The following ARV1 variants were observed in gnomAD, a reference collection of about 807,000 sequenced individuals.
The protein encoded by ARV1 is ARV1 fatty acid homeostasis modulator.
Under a neutral mutation model 31.1 loss-of-function variants are expected in ARV1, and 26 were observed. That is an observed-to-expected ratio of 0.84 (90% confidence interval 0.61 to 1.16). The LOEUF (loss-of-function observed/expected upper bound fraction) is 1.16. ARV1 is among the 50% of genes most tolerant of loss of function. ARV1 has a pLI of 0.00. For missense variants in ARV1, 281 were observed against 324.9 expected (o/e 0.86, Z 1.04); for synonymous variants, 117 against 123.2 (o/e 0.95, Z 0.34).
intron 5 of ARV1, among the ~76,000 whole-genome samples, chr1:230,998,291 C>T (rs950510125): frequency 2.0e-5 from 3 of 152,172 alleles, no homozygotes; most frequent in Admixed American, 1.3e-4. Flanking sequence ...GTTGAGGCTG[C>T]GCTTTGGTCT....
intron 2 of ARV1, among the ~76,000 whole-genome samples, chr1:230,989,066 A>G (rs1168611251): frequency 1.3e-5 from 2 of 152,200 alleles, no homozygotes; most frequent in Admixed American, 1.3e-4. Flanking sequence ...TATTGCATGG[A>G]ACATACTTAT....
At chr1:230,996,975 TG>T in intron 4 of ARV1, 145 bp from the exon 5 acceptor site, 1 of 919,348 alleles carries the variant, frequency 1.1e-6, no homozygotes, top group Non-Finnish European at 1.6e-6. Context: ...GATGGAAAAG[TG>T]GGAGAAGGTA....
chr1:230,996,310 T>G (rs1679365823), intron 4 of ARV1, among the ~76,000 whole-genome samples: 1 of 152,232 alleles, frequency 6.6e-6, no homozygotes, highest in Admixed American at 6.5e-5. Context: ...GTTACATGGC[T>G]GGGCAGTTAT....
intron 5 of ARV1, among the ~76,000 whole-genome samples, chr1:230,999,006 C>G (rs1290368319): frequency 6.6e-6 from 1 of 152,198 alleles, no homozygotes; most frequent in Admixed American, 6.5e-5. Flanking sequence ...GCTTTTGGCT[C>G]CTGCTGAAAC....
chr1:230,996,540 G>A (rs1460275697), intron 4 of ARV1, among the ~76,000 whole-genome samples: 1 of 152,076 alleles, frequency 6.6e-6, no homozygotes, highest in Non-Finnish European at 1.5e-5. Flanking sequence ...TCTACTTCCT[G>A]AGGTCAAGTG....
intron 3 of ARV1, among the ~76,000 whole-genome samples, chr1:230,994,505 G>A (rs1041185094): frequency 6.6e-6 from 1 of 151,204 alleles, no homozygotes; most frequent in Non-Finnish European, 1.5e-5. Context: ...CTCCCTTGAA[G>A]AATACATCAT....
chr1:230,995,833 C>G lies in ARV1; in HGVS notation c.522C>G (p.Pro174=), dbSNP rs751712180. The change falls in exon 4 of 6, where the codon CCC becomes CCG. Residue 174 remains proline, a synonymous_variant. Transcript: ENST00000310256. ...VERPMTAKKK[P]NFILLLKALL... ...GGCCCATGACGGCAAAAAAAAAGCC[C>G]AACTTCATTTTGCTGCTGAAAGCAT... The G allele has an allele frequency of 6.2e-7, 1 of 1,614,030 alleles. No homozygotes were observed. Among genetic ancestry groups the G allele is most frequent in the South Asian group, 1.1e-5 (1 of 91,078 alleles).
rs71179756 is a variant in ARV1, at chr1:230,984,359, T to TGTGTGTGCGC, written c.175-3958_175-3957insTGTGCGCGTG. Among the ~76,000 whole-genome samples the TGTGTGTGCGC allele has an allele frequency of 1.4e-3, 131 of 93,508 alleles. 1 individual carries two copies. Among genetic ancestry groups the TGTGTGTGCGC allele is most frequent in the East Asian group, 8.5e-3 (33 of 3,862 alleles). 61.3% of individuals were successfully genotyped at this position (93,508 alleles called of 152,430 possible). ...TGTTTGTTTCGTGTGTGTGTGTGTG[T>TGTGTGTGCGC]GTGCGTGTGTGTGTGTGTGTGTGTG... On this transcript the variant is annotated intron_variant, in intron 1 of 5. Coordinates refer to ENST00000310256, the MANE Select transcript of ARV1 (RefSeq NM_022786.3).
intron 4 of ARV1, 52 bp from the exon 5 acceptor site, chr1:230,997,069 G>C: frequency 6.3e-7 from 1 of 1,587,748 alleles, no homozygotes; most frequent in Non-Finnish European, 8.6e-7. Context: ...AAATTTACAT[G>C]TCAATATCGT....
At position 230,980,587 on chromosome 1, in the gene ARV1, G is replaced by T. The variant is rs550688964; in HGVS notation, c.174+1308G>T. 8.6e-5 allele frequency among the ~76,000 whole-genome samples: 13 copies of T among 151,970 alleles called. No individual in the cohort carries two copies. In the South Asian group the frequency reaches 1.9e-3, roughly 22 times the overall value. On this transcript the variant is annotated intron_variant, in intron 1 of 5. Transcript: ENST00000310256. The stretch of plus-strand genomic sequence containing the variant: ...GACCTCAAATGATCCACCCACCTCG[G>T]CCTCCCAAAGTGCTGGGGTTACAGG...
rs889243351 is a variant in ARV1, at chr1:231,000,721, T to C, written c.*588T>C. On this transcript the variant is annotated 3_prime_UTR_variant, in exon 6 of 6. Transcript: ENST00000310256. ...GGTAAATTACATCTGAATAAAGCTG[T>C]AATTAAAAACAACACCTCTCCCCTT... 2 of 152,206 alleles carry C rather than the reference T, an allele frequency of 1.3e-5. No individual in the cohort carries two copies. Among genetic ancestry groups the C allele is most frequent in the African/African-American group, 4.8e-5 (2 of 41,468 alleles). The allele number at this position is 152,206 out of a possible 1,614,324, so 9.4% of individuals were successfully genotyped here. A position where few individuals can be genotyped will look rare whatever the true frequency, so the allele number is the denominator to read the frequency against.
intron 1 of ARV1, among the ~76,000 whole-genome samples, chr1:230,984,744 TAAAAG>T (rs1486627289): frequency 2.6e-5 from 4 of 152,164 alleles, no homozygotes; most frequent in Admixed American, 1.3e-4. Flanking sequence ...ATAAACAACT[TAAAAG>T]ACAAATGGTT....
At chr1:230,982,098 A>G (rs1572333907) in intron 1 of ARV1, among the ~76,000 whole-genome samples, 1 of 152,252 alleles carries the variant, frequency 6.6e-6, no homozygotes, top group African/African-American at 2.4e-5. Flanking sequence ...AAGGACAGAC[A>G]TTCTCTCTGT....
chr1:230,990,464 T>C (rs1558244190), intron 3 of ARV1: 7 of 577,620 alleles, frequency 1.2e-5, no homozygotes, highest in Non-Finnish European at 2.1e-5. Context: ...TGTTACCACG[T>C]ATATGGTATG....
chr1:230,989,040 A>G (rs1418810704), intron 2 of ARV1, among the ~76,000 whole-genome samples: 1 of 152,236 alleles, frequency 6.6e-6, no homozygotes, highest in African/African-American at 2.4e-5. Flanking sequence ...ATTTTTTAGT[A>G]TAAGAATGTC....
At chr1:230,994,189 G>C (rs1679302725) in intron 3 of ARV1, among the ~76,000 whole-genome samples, 1 of 152,178 alleles carries the variant, frequency 6.6e-6, no homozygotes. Flanking sequence ...CTGAGGGCTG[G>C]TGTAGTTCCA....
At position 230,990,280 on chromosome 1, in the gene ARV1, C is replaced by T; in HGVS notation, c.448+17C>T. The T allele has an allele frequency of 6.2e-7, 1 of 1,611,658 alleles. No homozygotes were observed. Among genetic ancestry groups the T allele is most frequent in the Non-Finnish European group, 8.5e-7 (1 of 1,179,340 alleles). On this transcript the variant is annotated intron_variant, in intron 3 of 5. Coordinates refer to ENST00000310256, the MANE Select transcript of ARV1 (RefSeq NM_022786.3). Reference sequence around the variant, plus strand: ...CTGCTTTAGGTAAGGAGATGCCATGCTTTCCATTCTTAGTTAACTATTCTT... The same window carrying T: ...CTGCTTTAGGTAAGGAGATGCCATGTTTTCCATTCTTAGTTAACTATTCTT...
At chr1:230,997,028 A>C (rs1572343885) in intron 4 of ARV1, 93 bp from the exon 5 acceptor site, 1 of 1,445,220 alleles carries the variant, frequency 6.9e-7, no homozygotes, top group Non-Finnish European at 9.5e-7. Flanking sequence ...TTTTCCAAAA[A>C]CAGCTTTACA....
At chr1:230,980,025 C>A (rs116503999) in intron 1 of ARV1, among the ~76,000 whole-genome samples, 1 of 152,136 alleles carries the variant, frequency 6.6e-6, no homozygotes, top group South Asian at 2.1e-4. Flanking sequence ...CATTTCAGAT[C>A]TTGTGATTTT....
Sources: gnomAD v4.1 joint callset for allele counts (sites outside exome capture counted in the v4.1 genomes callset) on GRCh38, gnomAD v4.1.1 for gene constraint, MANE v1.5 for transcripts, NCBI Gene and HGNC (gene_info 2026-07-23, HGNC 2026-07-21) for gene names.